The following JAKMIP3 variants were observed in gnomAD, a reference collection of about 807,000 sequenced individuals.
JAKMIP3 encodes the protein Janus kinase and microtubule interacting protein 3.
A neutral mutation model predicts 118.5 loss-of-function variants in JAKMIP3; 58 were observed. The ratio of observed to expected loss-of-function variants is 0.49; its 90% CI spans 0.40 to 0.61. JAKMIP3 has a LOEUF of 0.61. JAKMIP3 is among the 20% of genes least tolerant of loss of function. The pLI is 0.00. For synonymous variants in JAKMIP3, 486 were observed against 451.2 expected (o/e 1.08, Z -0.98); for missense variants, 950 against 1,109.0 (o/e 0.86, Z 2.04).
At chr10:132,123,404 G>A (rs1407244317) in intron 3 of JAKMIP3, among the ~76,000 whole-genome samples, 9 of 152,200 alleles carry the variant, frequency 5.9e-5, no homozygotes, top group Non-Finnish European at 1.2e-4. Context: ...TCTCCTTCCC[G>A]TAAAGATCTG....
intron 23 of JAKMIP3, among the ~76,000 whole-genome samples, chr10:132,181,007 A>G (rs889137708): frequency 2.0e-5 from 3 of 151,250 alleles, no homozygotes; most frequent in Non-Finnish European, 4.4e-5. Flanking sequence ...GTGTACATGC[A>G]TGTGCAGTGT....
rs2047088412 is a variant in JAKMIP3 at position 132,112,860 on chromosome 10, C to T, written c.136-4217C>T. On this transcript the variant is annotated intron_variant, in intron 2 of 23. Coordinates refer to ENST00000684848, the MANE Select transcript of JAKMIP3 (RefSeq NM_001323087.2). This position sits in a 1 kb window ranked among gnomAD's most constrained non-coding sequence, Gnocchi z 4.3. ...AGCCTGCCTCTGCCTGGCTGCGAAT[C>T]CCCTCTCTCGCTCCCTCTGTCTTTC... Among the ~76,000 whole-genome samples, 1 of 152,188 alleles carries T rather than the reference C, an allele frequency of 6.6e-6. No individual in the cohort carries two copies. Among genetic ancestry groups the T allele is most frequent in the Admixed American group, 6.5e-5 (1 of 15,284 alleles).
chr10:132,133,643 C>A, intron 4 of JAKMIP3, 116 bp downstream of exon 4: 1 of 944,676 alleles, frequency 1.1e-6, no homozygotes, highest in Non-Finnish European at 1.6e-6. Context: ...GTTGAGGCAG[C>A]ACCCTCCTGC....
At chr10:132,045,153 CCA>C (rs1322647409) in intron 1 of JAKMIP3, among the ~76,000 whole-genome samples, 2 of 152,138 alleles carry the variant, frequency 1.3e-5, no homozygotes, top group African/African-American at 4.8e-5. Context: ...CACGAGCGTT[CCA>C]GTTTCCCCAC....
At chr10:132,169,657 G>A (rs1416571889) in intron 23 of JAKMIP3, among the ~76,000 whole-genome samples, 1 of 151,866 alleles carries the variant, frequency 6.6e-6, no homozygotes. Context: ...CCCAGGGAGC[G>A]CTCCATCTCC....
chr10:132,109,919 C>G (rs144789993), intron 2 of JAKMIP3, among the ~76,000 whole-genome samples: 74 of 152,332 alleles, frequency 4.9e-4, no homozygotes, highest in Non-Finnish European at 8.5e-4. Context: ...TCAGTCATTA[C>G]AATTGGCAGC....
At chr10:132,065,333 T>C (rs2038630605), upstream of JAKMIP3, among the ~76,000 whole-genome samples, 2 of 152,052 alleles carry the variant, frequency 1.3e-5, no homozygotes, top group African/African-American at 4.8e-5. The surrounding 1 kb of genome is among the most constrained non-coding windows in gnomAD (Gnocchi z 5.6). Context: ...GCTGCTGGTC[T>C]CCTGTGTCTG....
intron 16 of JAKMIP3, 91 bp downstream of exon 16, chr10:132,150,132 A>G (rs1589957460): frequency 3.8e-6 from 4 of 1,045,320 alleles, no homozygotes; most frequent in Non-Finnish European, 5.6e-6. Context: ...CCAGCCTCCC[A>G]CAGCCCTGCC....
At chr10:132,056,604 G>T (rs1051027533) in intron 1 of JAKMIP3, among the ~76,000 whole-genome samples, 1 of 152,188 alleles carries the variant, frequency 6.6e-6, no homozygotes, top group African/African-American at 2.4e-5. Flanking sequence ...TCGGACTTGG[G>T]CAGTGTGCGC....
Position 132,180,532 on chromosome 10 carries a change from T to TGTGTGTGTGTGTGTGTGTGTGC in JAKMIP3, c.*1104-1812_*1104-1811insTGTGTGTGCGTGTGTGTGTGTG, listed in dbSNP as rs1554962684. Among the ~76,000 whole-genome samples, 11 of 30,346 alleles carry TGTGTGTGTGTGTGTGTGTGTGC rather than the reference T, an allele frequency of 3.6e-4. 4 individuals are homozygous for TGTGTGTGTGTGTGTGTGTGTGC. The highest frequency in any genetic ancestry group is 5.2e-4 in the Non-Finnish European group (9 of 17,384). The allele number at this position is 30,346 out of a possible 152,430, so 19.9% of individuals were successfully genotyped here. A position where few individuals can be genotyped will look rare whatever the true frequency, so the allele number is the denominator to read the frequency against. On this transcript the variant is annotated intron_variant, in intron 23 of 23. Transcript: ENST00000684848. ...AAACCTGGAAGCAGAACTGTGTGTG[T>TGTGTGTGTGTGTGTGTGTGTGC]GTGTGTGTGTGTGCGTGCGTGCATG...
upstream of JAKMIP3, among the ~76,000 whole-genome samples, chr10:132,036,373 T>C (rs1353506008): frequency 1.3e-5 from 2 of 152,338 alleles, no homozygotes; most frequent in East Asian, 3.9e-4. Context: ...AGCTCCCCCG[T>C]GCTGCGCATG....
chr10:132,143,463 A>G (rs755519173), intron 11 of JAKMIP3, among the ~76,000 whole-genome samples: 15 of 152,202 alleles, frequency 9.9e-5, no homozygotes, highest in Non-Finnish European at 1.8e-4. Context: ...GTCGGGTGCC[A>G]GAGAAACATT....
intron 18 of JAKMIP3, 33 bp downstream of exon 18, chr10:132,153,860 C>G (rs372199679): frequency 2.5e-6 from 4 of 1,612,796 alleles, no homozygotes; most frequent in Non-Finnish European, 3.4e-6. Context: ...TTCTGCGGCT[C>G]GGTGCTGCAG....
At chr10:132,073,690 G>A (rs1037555157) in intron 1 of JAKMIP3, among the ~76,000 whole-genome samples, 3 of 151,912 alleles carry the variant, frequency 2.0e-5, no homozygotes, top group African/African-American at 7.3e-5. Flanking sequence ...TAAAGACTCG[G>A]TTTTACCCCA....
At chr10:132,172,702 G>A (rs575697110) in intron 23 of JAKMIP3, among the ~76,000 whole-genome samples, 12 of 151,986 alleles carry the variant, frequency 7.9e-5, no homozygotes, top group African/African-American at 2.7e-4. Flanking sequence ...CCTCCAGGCC[G>A]GCGCCCTGCA....
chr10:132,116,353 CCGAA>C, intron 2 of JAKMIP3, among the ~76,000 whole-genome samples: 4 of 151,878 alleles, frequency 2.6e-5, no homozygotes, highest in African/African-American at 7.3e-5. Flanking sequence ...GACGCTCCCC[CCGAA>C]TACACATTCA....
chr10:132,167,864 G>GCCCTCGC lies in JAKMIP3; in HGVS notation c.*23-75_*23-69dup, dbSNP rs200553685. On this transcript the variant is annotated intron_variant, in intron 22 of 23. Coordinates refer to ENST00000684848, the MANE Select transcript of JAKMIP3 (RefSeq NM_001323087.2). ...CTCGCCCCTCGCCCCTCACCCCTCG[G>GCCCTCGC]CCCTCGCCCCTCGCCCCTCGGCCCT... is the stretch of plus-strand genomic sequence containing the variant. 1,855 of 847,386 alleles carry GCCCTCGC rather than the reference G, an allele frequency of 2.2e-3. 64 individuals are homozygous for GCCCTCGC. Among genetic ancestry groups the GCCCTCGC allele is most frequent in the African/African-American group, 0.018 (960 of 53,546 alleles). 52.5% of individuals were successfully genotyped at this position (847,386 alleles called of 1,614,324 possible).
intron 3 of JAKMIP3, among the ~76,000 whole-genome samples, chr10:132,127,994 C>T (rs1017864696): frequency 1.3e-5 from 2 of 152,152 alleles, no homozygotes; most frequent in South Asian, 2.1e-4. Flanking sequence ...TTGCTGTTCC[C>T]ATAAGCAGCC....
chr10:132,150,130 C>T, intron 16 of JAKMIP3, 89 bp downstream of exon 16: 4 of 1,073,390 alleles, frequency 3.7e-6, no homozygotes, highest in South Asian at 2.9e-5. Flanking sequence ...TGCCAGCCTC[C>T]CACAGCCCTG....
Sources: allele counts gnomAD v4.1 joint callset (sites outside exome capture counted in the v4.1 genomes callset), GRCh38; gene constraint gnomAD v4.1.1; non-coding constraint Gnocchi (gnomAD v3.1); transcripts MANE v1.5; gene names NCBI Gene and HGNC (gene_info 2026-07-23, HGNC 2026-07-21).